The following CSMD1 variants were observed in gnomAD, a reference collection of about 807,000 sequenced individuals.
The protein encoded by CSMD1 is CUB and sushi domain-containing protein 1.
Under a neutral mutation model 417.5 loss-of-function variants are expected in CSMD1, and 213 were observed. The observed-to-expected ratio is 0.51, with a 90% CI of 0.46 to 0.57. The LOEUF (loss-of-function observed/expected upper bound fraction) is 0.57, where lower values mean the gene tolerates loss of function less well. Among genes scored for constraint, CSMD1 ranks in the 20% least tolerant of loss-of-function variants. The pLI is 0.00. For missense variants in CSMD1, 6,923 were observed against 4,529.7 expected, an observed-to-expected ratio of 1.53 and a Z score of -15.17; for synonymous variants, 2,862 against 1,736.8, an observed-to-expected ratio of 1.65 and a Z score of -16.11.
intron 1 of CSMD1, among the ~76,000 whole-genome samples, chr8:4,761,912 A>ATCAATCTATCT (rs1812126573): frequency 1.8e-4 from 18 of 101,312 alleles, no homozygotes; most frequent in African/African-American, 5.1e-4. Flanking sequence ...TCTATCTATC[A>ATCAATCTATCT]ATCTATCTAT....
At chr8:2,959,152 A>G (rs941681388) in intron 62 of CSMD1, among the ~76,000 whole-genome samples, 17 of 152,348 alleles carry the variant, frequency 1.1e-4, no homozygotes, top group Non-Finnish European at 1.8e-4. Context: ...TGCCCAGAGT[A>G]TACAGCACAG....
chr8:4,289,382 A>G (rs1236997731), intron 3 of CSMD1, among the ~76,000 whole-genome samples: 2 of 138,726 alleles, frequency 1.4e-5, no homozygotes, highest in Non-Finnish European at 3.1e-5. Flanking sequence ...ATTAACATCG[A>G]TCAATTAGTT....
chr8:3,305,700 G>GAGAC (rs1026510937), intron 25 of CSMD1, among the ~76,000 whole-genome samples: 12 of 152,154 alleles, frequency 7.9e-5, no homozygotes, highest in African/African-American at 2.7e-4. Context: ...TCTTTTTCTT[G>GAGAC]AGACACAGTC....
chr8:3,936,995 A>T (rs1810542805), intron 5 of CSMD1, among the ~76,000 whole-genome samples: 1 of 152,170 alleles, frequency 6.6e-6, no homozygotes, highest in Non-Finnish European at 1.5e-5. Context: ...ATCCTCGTGA[A>T]TGACTTTGTT....
chr8:4,653,656 T>A (rs1241278048), intron 1 of CSMD1, among the ~76,000 whole-genome samples: 1 of 152,118 alleles, frequency 6.6e-6, no homozygotes, highest in Admixed American at 6.5e-5. Context: ...GATCTCATTG[T>A]GATCCCCAGG....
chr8:3,665,532 G>A (rs974796681), intron 7 of CSMD1, among the ~76,000 whole-genome samples: 1 of 151,872 alleles, frequency 6.6e-6, no homozygotes, highest in African/African-American at 2.4e-5. Context: ...CCATCTCAAA[G>A]ATATATATAT....
At chr8:4,278,048 C>A (rs1024999086) in intron 3 of CSMD1, among the ~76,000 whole-genome samples, 1 of 152,114 alleles carries the variant, frequency 6.6e-6, no homozygotes, top group Non-Finnish European at 1.5e-5. Flanking sequence ...CGCCCAACCC[C>A]CTTTCCCTAA....
intron 10 of CSMD1, among the ~76,000 whole-genome samples, chr8:3,547,043 T>C (rs1420079361): frequency 1.3e-5 from 2 of 152,214 alleles, no homozygotes; most frequent in Non-Finnish European, 2.9e-5. Context: ...GCCCCTTCTC[T>C]GAATCTGCTG....
intron 3 of CSMD1, among the ~76,000 whole-genome samples, chr8:4,297,034 C>A (rs544497813): frequency 6.6e-6 from 1 of 152,148 alleles, no homozygotes; most frequent in African/African-American, 2.4e-5. Flanking sequence ...AGTAATGCTA[C>A]ATTTTTACGC....
intron 3 of CSMD1, among the ~76,000 whole-genome samples, chr8:4,115,699 G>C (rs1802097602): frequency 1.3e-5 from 2 of 152,102 alleles, no homozygotes; most frequent in Admixed American, 1.3e-4. Flanking sequence ...CCCTGTAAGA[G>C]GTGAGTGAAT....
chr8:3,259,244 C>T (rs187887463), intron 26 of CSMD1, among the ~76,000 whole-genome samples: 1 of 152,276 alleles, frequency 6.6e-6, no homozygotes, highest in Admixed American at 6.5e-5. Flanking sequence ...AATTAATAAC[C>T]TGATTACAGA....
At chr8:3,182,675 C>CTGTGTGTGTGTGTGTG (rs10676783) in intron 36 of CSMD1, among the ~76,000 whole-genome samples, 1,499 of 99,074 alleles carry the variant, frequency 0.015, 88 homozygotes, top group Non-Finnish European at 0.022. Flanking sequence ...CTATAAGAAG[C>CTGTGTGTGTGTGTGTG]TGTGTGTGTG....
intron 10 of CSMD1, among the ~76,000 whole-genome samples, chr8:3,526,919 G>T (rs1028936984): frequency 3.3e-5 from 5 of 152,092 alleles, no homozygotes; most frequent in Non-Finnish European, 7.3e-5. Flanking sequence ...TTCATCTAAT[G>T]GTGTCCAGGG....
chr8:3,907,865 A>C lies in CSMD1; in HGVS notation c.818+90038T>G, dbSNP rs78503126. Among the ~76,000 whole-genome samples the C allele has an allele frequency of 9.9e-3, 1,514 of 152,326 alleles. 27 individuals are homozygous for C. The highest frequency in any genetic ancestry group is 0.034 in the African/African-American group (1,407 of 41,574). On this transcript the variant is annotated intron_variant, in intron 5 of 69. Transcript: ENST00000635120. The stretch of plus-strand genomic sequence containing the variant: ...AACTCTGTGCTCTGCGGTCCAGGCA[A>C]ATAACTTTCTCTCTTCTTGAGAATA...
chr8:3,756,225 C>T (rs1475269630), intron 5 of CSMD1, among the ~76,000 whole-genome samples: 10 of 151,824 alleles, frequency 6.6e-5, no homozygotes, highest in South Asian at 2.1e-4. Context: ...TGGTGGCGGG[C>T]GCCTGTAGTC....
intron 1 of CSMD1, among the ~76,000 whole-genome samples, chr8:4,867,013 C>T (rs537536688): frequency 2.0e-5 from 3 of 151,938 alleles, no homozygotes; most frequent in Non-Finnish European, 4.4e-5. Context: ...ACTCAATTCT[C>T]GGCAGGCTTT....
chr8:3,153,178 T>C (rs529696447), intron 39 of CSMD1, among the ~76,000 whole-genome samples: 5 of 152,020 alleles, frequency 3.3e-5, no homozygotes, highest in Non-Finnish European at 5.9e-5. Flanking sequence ...TGACCTCTGG[T>C]TGTCCTCACT....
chr8:4,629,485 T>C (rs1159416786), intron 2 of CSMD1, among the ~76,000 whole-genome samples: 2 of 152,204 alleles, frequency 1.3e-5, no homozygotes, highest in Non-Finnish European at 2.9e-5. Flanking sequence ...AATTTTCTTG[T>C]AGCTCTAGAA....
chr8:3,361,212 A>G lies in CSMD1; in HGVS notation c.3116-1872T>C, dbSNP rs1387436393. On this transcript the variant is annotated intron_variant, in intron 20 of 69. Coordinates refer to ENST00000635120, the MANE Select transcript of CSMD1 (RefSeq NM_033225.6). The stretch of plus-strand genomic sequence containing the variant: ...ATACGTTTACTTTTTAGAACATATT[A>G]AAATAAAGATGTCACAATTCAGATA... 3.9e-5 allele frequency among the ~76,000 whole-genome samples: 6 copies of G among 152,336 alleles called. No individual in the cohort carries two copies. The East Asian group carries it at 7.7e-4, about 20-fold the overall frequency.
Sources: allele counts gnomAD v4.1 joint callset (sites outside exome capture counted in the v4.1 genomes callset), GRCh38; gene constraint gnomAD v4.1.1; transcripts MANE v1.5; gene names NCBI Gene and HGNC (gene_info 2026-07-23, HGNC 2026-07-21).